Variants in SLC38A6 observed in about 807,000 individuals in gnomAD.
SLC38A6 encodes the protein N system amino acid transporter NAT-1.
A neutral mutation model predicts 65.0 loss-of-function variants in SLC38A6; 73 were observed. That is an observed-to-expected ratio of 1.12 (90% CI 0.93 to 1.37). The LOEUF is 1.37. Ranked by LOEUF, SLC38A6 falls within the 40% of genes most tolerant of loss-of-function variation. The pLI is 0.00. For synonymous variants in SLC38A6, 183 were observed against 178.8 expected, an observed-to-expected ratio of 1.02 and a Z score of -0.19; for missense variants, 561 against 531.1, an observed-to-expected ratio of 1.06 and a Z score of -0.55.
intron 12 of SLC38A6, among the ~76,000 whole-genome samples, chr14:61,047,551 G>A (rs1044235147): frequency 3.9e-5 from 6 of 152,024 alleles, no homozygotes; most frequent in East Asian, 1.9e-4. Flanking sequence ...TTATTACTGT[G>A]TTGTCTACTC....
intron 3 of SLC38A6, among the ~76,000 whole-genome samples, chr14:61,014,991 C>G (rs1338879467): frequency 1.3e-5 from 2 of 152,212 alleles, no homozygotes; most frequent in Non-Finnish European, 2.9e-5. Context: ...GTGGAGTCTA[C>G]AGAGGCACGC....
chr14:61,048,081 G>A, intron 12 of SLC38A6: 1 of 440,636 alleles, frequency 2.3e-6, no homozygotes, highest in East Asian at 7.0e-5. Flanking sequence ...GACAGAAGAG[G>A]CAGATATTGA....
At chr14:60,995,963 A>G (rs1218345355) in intron 3 of SLC38A6, among the ~76,000 whole-genome samples, 2 of 152,208 alleles carry the variant, frequency 1.3e-5, no homozygotes, top group East Asian at 3.8e-4. Flanking sequence ...GTGTCATTAT[A>G]TATTTGTCAA....
At position 61,030,529 on chromosome 14, in the gene SLC38A6, A is replaced by C. The variant is rs759511222; in HGVS notation, c.482+6A>C. On this transcript the variant is annotated splice_donor_region_variant and intron_variant, in intron 6 of 15. Coordinates refer to ENST00000267488, the MANE Select transcript of SLC38A6 (RefSeq NM_153811.3). ...TTGACTGGAGACTATAGTAGGTAAGAAAAAGTATTTTACATTGTGTCCGTT... is the reference window on the plus strand; with the variant it reads ...TTGACTGGAGACTATAGTAGGTAAGCAAAAGTATTTTACATTGTGTCCGTT... 2 of 1,585,010 alleles carry C rather than the reference A, an allele frequency of 1.3e-6. No homozygotes were observed. Among genetic ancestry groups the C allele is most frequent in the Non-Finnish European group, 1.7e-6 (2 of 1,157,970 alleles).
chr14:60,997,001 C>T (rs2038342510), intron 3 of SLC38A6, among the ~76,000 whole-genome samples: 1 of 152,092 alleles, frequency 6.6e-6, no homozygotes, highest in Admixed American at 6.6e-5. Context: ...TACCCTTTAC[C>T]AAAGTTAGAG....
chr14:61,009,613 T>C (rs2039403975), intron 3 of SLC38A6, among the ~76,000 whole-genome samples: 1 of 147,356 alleles, frequency 6.8e-6, no homozygotes, highest in Non-Finnish European at 1.5e-5. Flanking sequence ...CTCCCACCTA[T>C]GAGTGAGAAC....
At chr14:61,001,411 T>G (rs1325281252) in intron 3 of SLC38A6, among the ~76,000 whole-genome samples, 1 of 152,210 alleles carries the variant, frequency 6.6e-6, no homozygotes, top group Non-Finnish European at 1.5e-5. Context: ...AAGCTGAATT[T>G]TTTGTTATTG....
At position 60,982,203 on chromosome 14, in the gene SLC38A6, C is replaced by G. The variant is rs180773379; in HGVS notation, c.106-305C>G. The G allele has an allele frequency of 1.7e-5, 8 of 481,074 alleles. No homozygotes were observed. In the East Asian group the frequency reaches 5.0e-4, roughly 30 times the overall value. The allele number at this position is 481,074 out of a possible 1,614,324, so 29.8% of individuals were successfully genotyped here. A position where few individuals can be genotyped will look rare whatever the true frequency, so the allele number is the denominator to read the frequency against. On this transcript the variant is annotated intron_variant, in intron 1 of 15. Transcript: ENST00000267488. ...AGGCCTTATCCCTCCTCTCTCTCCC[C>G]ACTCCATTCCCATCCTATCTTCATC...
intron 15 of SLC38A6, among the ~76,000 whole-genome samples, chr14:61,063,857 A>C (rs1480354723): frequency 1.3e-5 from 2 of 152,220 alleles, no homozygotes; most frequent in African/African-American, 4.8e-5. Flanking sequence ...GTTAATGCCT[A>C]TTATACAGGG....
chr14:61,041,113 G>A (rs1256291881), intron 8 of SLC38A6, among the ~76,000 whole-genome samples: 1 of 152,152 alleles, frequency 6.6e-6, no homozygotes, highest in African/African-American at 2.4e-5. Context: ...AAGGAAGGGA[G>A]GCCTTTTGTG....
chr14:60,998,582 A>G (rs1161441814), intron 3 of SLC38A6, among the ~76,000 whole-genome samples: 1 of 152,154 alleles, frequency 6.6e-6, no homozygotes, highest in Non-Finnish European at 1.5e-5. Flanking sequence ...CTGTGACCTG[A>G]TTCTTCCTGG....
chr14:61,035,184 A>T (rs2041268253), intron 6 of SLC38A6, among the ~76,000 whole-genome samples: 2 of 152,142 alleles, frequency 1.3e-5, no homozygotes, highest in Admixed American at 1.3e-4. Context: ...GTGCGTGTGT[A>T]TGTATGTGTA....
At chr14:61,029,288 C>T (rs746347974) in intron 5 of SLC38A6, among the ~76,000 whole-genome samples, 3 of 151,792 alleles carry the variant, frequency 2.0e-5, no homozygotes, top group Non-Finnish European at 4.4e-5. Context: ...CCCAGGTTAG[C>T]TGGTATTGCA....
intron 3 of SLC38A6, among the ~76,000 whole-genome samples, chr14:60,996,978 G>A (rs1566622202): frequency 6.6e-6 from 1 of 152,136 alleles, no homozygotes. Flanking sequence ...CTTACTTAGT[G>A]AACAATAGAG....
rs1349719535 is a variant in SLC38A6 at position 61,043,475 on chromosome 14, A to C, written c.716A>C (p.Lys239Thr). ...ATTTCAAATGTTACAGATGATTGTA[A>C]GCCAAAGCTCTTTCATTTCTCCAAA... ...FQISNVTDDC[K>T]PKLFHFSKES... The change falls in exon 10 of 16, where the codon AAG becomes ACG. Residue 239 changes from lysine to threonine, a missense_variant. By Grantham distance (78) the Lys-to-Thr change is moderately conservative. Transcript: ENST00000267488. 6.2e-7 allele frequency: 1 copy of C among 1,608,500 alleles called. No individual in the cohort carries two copies. Among genetic ancestry groups the C allele is most frequent in the African/African-American group, 1.3e-5 (1 of 74,606 alleles).
intron 3 of SLC38A6, among the ~76,000 whole-genome samples, chr14:61,010,434 T>G (rs2039471362): frequency 6.6e-6 from 1 of 152,254 alleles, no homozygotes; most frequent in Non-Finnish European, 1.5e-5. Flanking sequence ...TTTGGTGTTT[T>G]AGACACGAAG....
chr14:61,062,598 A>T (rs2042888419), intron 15 of SLC38A6, among the ~76,000 whole-genome samples: 2 of 151,842 alleles, frequency 1.3e-5, no homozygotes, highest in African/African-American at 4.8e-5. Flanking sequence ...AGTAGCTGGG[A>T]CTGCAGGCAC....
intron 16 of SLC38A6, among the ~76,000 whole-genome samples, chr14:61,080,306 A>T (rs1332122457): frequency 6.6e-6 from 1 of 152,128 alleles, no homozygotes. Flanking sequence ...CTGGCGTGTT[A>T]TGTGACCTAT....
At chr14:61,010,972 G>T (rs1175492711) in intron 3 of SLC38A6, among the ~76,000 whole-genome samples, 3 of 152,132 alleles carry the variant, frequency 2.0e-5, no homozygotes, top group Non-Finnish European at 2.9e-5. Context: ...ATTACCTTGG[G>T]CAGTATGGCC....
Sources: gnomAD v4.1 joint callset for allele counts (sites outside exome capture counted in the v4.1 genomes callset) on GRCh38, gnomAD v4.1.1 for gene constraint, MANE v1.5 for transcripts, NCBI Gene and HGNC (gene_info 2026-07-23, HGNC 2026-07-21) for gene names.